Variants in BRD10 observed in about 807,000 individuals in gnomAD.
BRD10 encodes the protein bromodomain containing 10.
chr9:5,885,816 C>A, the BRD10 span, among the ~76,000 whole-genome samples: 1 of 152,208 alleles, frequency 6.6e-6, no homozygotes, highest in Non-Finnish European at 1.5e-5. Context: ...ATTCAAGGCA[C>A]CTGTGAGGCT....
the BRD10 span, among the ~76,000 whole-genome samples, chr9:5,977,695 C>T: frequency 6.6e-6 from 1 of 151,972 alleles, no homozygotes; most frequent in African/African-American, 2.4e-5. Context: ...ATTAGCTGGG[C>T]GTGGTGGCAA....
the BRD10 span, chr9:5,898,166 C>T: frequency 6.5e-6 from 1 of 153,412 alleles, no homozygotes; most frequent in Non-Finnish European, 1.4e-5. Context: ...GTCTCAGCCT[C>T]CAGAGTAGCT....
chr9:5,965,518 C>G, the BRD10 span, among the ~76,000 whole-genome samples: 1 of 152,106 alleles, frequency 6.6e-6, no homozygotes, highest in Non-Finnish European at 1.5e-5. Flanking sequence ...TTTATTTAGT[C>G]TAATTCATAC....
chr9:5,989,258 A>ATAC, the BRD10 span, among the ~76,000 whole-genome samples: 5 of 145,336 alleles, frequency 3.4e-5, no homozygotes, highest in African/African-American at 1.3e-4. Context: ...AAAAAAAAAA[A>ATAC]AAAATCCAAA....
At chr9:5,947,263 T>G in the BRD10 span, among the ~76,000 whole-genome samples, 1 of 152,128 alleles carries the variant, frequency 6.6e-6, no homozygotes, top group Non-Finnish European at 1.5e-5. Flanking sequence ...TTTTGTTTAG[T>G]AGGTCTGAGG....
At chr9:5,936,917 G>C in the BRD10 span, among the ~76,000 whole-genome samples, 11 of 152,254 alleles carry the variant, frequency 7.2e-5, no homozygotes, top group East Asian at 2.1e-3. Context: ...ATTTGAATAA[G>C]GGTATGTGAT....
the BRD10 span, chr9:5,920,501 T>C: frequency 6.2e-7 from 1 of 1,614,032 alleles, no homozygotes; most frequent in Non-Finnish European, 8.5e-7. Flanking sequence ...TAAAGCTTGC[T>C]GATTTGGCAG....
chr9:5,998,989 G>C, the BRD10 span, among the ~76,000 whole-genome samples: 1 of 151,838 alleles, frequency 6.6e-6, no homozygotes, highest in African/African-American at 2.4e-5. Context: ...TAAGGATTAT[G>C]TTCTTATAAG....
the BRD10 span, among the ~76,000 whole-genome samples, chr9:5,991,540 T>C: frequency 6.6e-6 from 1 of 152,000 alleles, no homozygotes; most frequent in African/African-American, 2.4e-5. Context: ...TTGGCCAATA[T>C]GGTAAAACCC....
At chr9:5,999,566 C>T in the BRD10 span, among the ~76,000 whole-genome samples, 5 of 152,158 alleles carry the variant, frequency 3.3e-5, no homozygotes, top group African/African-American at 9.6e-5. Context: ...ATACAACTCC[C>T]GAATATTAGC....
the BRD10 span, among the ~76,000 whole-genome samples, chr9:5,969,812 T>C: frequency 1.6e-4 from 25 of 152,226 alleles, no homozygotes; most frequent in African/African-American, 5.5e-4. Flanking sequence ...TCCCAAAGTG[T>C]TGAGATTACA....
chr9:5,958,790 T>G, the BRD10 span, among the ~76,000 whole-genome samples: 1,282 of 152,330 alleles, frequency 8.4e-3, 24 homozygotes, highest in African/African-American at 0.03. Context: ...TTAATCATTG[T>G]TGCAAGTAAA....
chr9:5,900,913 T>A, the BRD10 span, among the ~76,000 whole-genome samples: 1 of 91,202 alleles, frequency 1.1e-5, no homozygotes, highest in South Asian at 3.2e-4. Context: ...TTTACACTCA[T>A]GTGTCAGGGC....
the BRD10 span, chr9:5,929,140 C>T: frequency 5.1e-6 from 8 of 1,583,016 alleles, no homozygotes; most frequent in Non-Finnish European, 6.1e-6. Flanking sequence ...TACAGCTTGC[C>T]TCCGATGATA....
the BRD10 span, among the ~76,000 whole-genome samples, chr9:5,946,606 G>C: frequency 3.3e-5 from 5 of 151,864 alleles, no homozygotes; most frequent in East Asian, 5.8e-4. Flanking sequence ...TGATGACGGT[G>C]TCAAATTTGC....
the BRD10 span, among the ~76,000 whole-genome samples, chr9:5,990,423 T>G: frequency 6.6e-6 from 1 of 152,152 alleles, no homozygotes; most frequent in African/African-American, 2.4e-5. Flanking sequence ...ATTCAGTAAG[T>G]ACACAGAACA....
the BRD10 span, among the ~76,000 whole-genome samples, chr9:5,942,830 T>C: frequency 1.3e-5 from 2 of 152,176 alleles, no homozygotes; most frequent in African/African-American, 4.8e-5. Context: ...AATTTTCTGA[T>C]TAACATGCCC....
chr9:5,979,802 G>C, the BRD10 span, among the ~76,000 whole-genome samples: 1 of 151,888 alleles, frequency 6.6e-6, no homozygotes, highest in Admixed American at 6.6e-5. Flanking sequence ...GATCACCTGA[G>C]GTCAGGAGTT....
chr9:5,990,142 T>C, the BRD10 span, among the ~76,000 whole-genome samples: 2 of 152,214 alleles, frequency 1.3e-5, no homozygotes, highest in African/African-American at 2.4e-5. Flanking sequence ...GATCCTTCAG[T>C]ATACAATGGC....
Sources: gnomAD v4.1 joint callset for allele counts (sites outside exome capture counted in the v4.1 genomes callset) on GRCh38, gnomAD v4.1.1 for gene constraint, MANE v1.5 for transcripts, NCBI Gene and HGNC (gene_info 2026-07-23, HGNC 2026-07-21) for gene names.